Variants in DLG2 observed in about 807,000 individuals in gnomAD.
The protein encoded by DLG2 is discs large MAGUK scaffold protein 2.
DLG2 carries 45 observed loss-of-function variants against 132.5 expected under a neutral mutation model. That is an observed-to-expected ratio of 0.34 (90% CI 0.27 to 0.44). The LOEUF is 0.44. DLG2 is among the 20% of genes least tolerant of loss of function. DLG2 has a pLI of 1.00. For missense variants in DLG2, 1,045 were observed against 1,196.9 expected (o/e 0.87, Z 1.87); for synonymous variants, 424 against 419.6 (o/e 1.01, Z -0.13).
chr11:84,566,484 G>A (rs947375190), intron 6 of DLG2, among the ~76,000 whole-genome samples: 1 of 152,190 alleles, frequency 6.6e-6, no homozygotes, highest in Non-Finnish European at 1.5e-5. Context: ...TCTCTCATCT[G>A]TCTACCTGGT....
At chr11:84,001,866 G>A (rs564330422) in intron 11 of DLG2, among the ~76,000 whole-genome samples, 1 of 152,124 alleles carries the variant, frequency 6.6e-6, no homozygotes, top group Admixed American at 6.5e-5. Context: ...TAGAAATTAA[G>A]ATGAAAATCA....
At chr11:83,761,246 A>G (rs889511931) in intron 18 of DLG2, among the ~76,000 whole-genome samples, 3 of 152,218 alleles carry the variant, frequency 2.0e-5, no homozygotes, top group African/African-American at 7.2e-5. Context: ...GATAATTGCT[A>G]CAAGGACACC....
At chr11:83,478,947 A>T (rs959493647) in intron 22 of DLG2, among the ~76,000 whole-genome samples, 3 of 151,858 alleles carry the variant, frequency 2.0e-5, no homozygotes, top group East Asian at 3.9e-4. Context: ...GGAGAGGCAA[A>T]TTTTTTTTCT....
intron 6 of DLG2, among the ~76,000 whole-genome samples, chr11:84,653,974 T>C (rs2099685157): frequency 6.6e-6 from 1 of 152,178 alleles, no homozygotes. Flanking sequence ...AAATTCAGTG[T>C]TGGTTATAAC....
At chr11:83,922,383 T>C (rs1167450250) in intron 15 of DLG2, among the ~76,000 whole-genome samples, 1 of 152,048 alleles carries the variant, frequency 6.6e-6, no homozygotes, top group Non-Finnish European at 1.5e-5. Flanking sequence ...GGTTTAGTGA[T>C]CACCTACTTC....
intron 19 of DLG2, among the ~76,000 whole-genome samples, chr11:83,593,376 C>G (rs934684179): frequency 1.3e-5 from 2 of 151,416 alleles, no homozygotes; most frequent in African/African-American, 4.9e-5. Flanking sequence ...TCATCATTCT[C>G]AGTAAACTAT....
intron 6 of DLG2, among the ~76,000 whole-genome samples, chr11:84,801,945 G>T (rs943939870): frequency 3.9e-5 from 6 of 152,102 alleles, no homozygotes; most frequent in African/African-American, 1.4e-4. Flanking sequence ...TTCTGCTTCT[G>T]CATCTGTACA....
intron 8 of DLG2, among the ~76,000 whole-genome samples, chr11:84,234,147 G>A (rs963322661): frequency 1.9e-4 from 29 of 152,162 alleles, no homozygotes; most frequent in African/African-American, 6.5e-4. Flanking sequence ...CCCACCCCGA[G>A]GGAAGAATCA....
At chr11:84,085,282 G>A (rs985031239) in intron 10 of DLG2, among the ~76,000 whole-genome samples, 5 of 152,012 alleles carry the variant, frequency 3.3e-5, no homozygotes, top group African/African-American at 9.7e-5. Flanking sequence ...ATTTTCTTTT[G>A]TCTAGAGCCC....
chr11:85,425,039 A>AACAAAC (rs1555116109), intron 3 of DLG2, among the ~76,000 whole-genome samples: 2 of 40,594 alleles, frequency 4.9e-5, no homozygotes, highest in East Asian at 7.6e-4. Flanking sequence ...CAAACAAACA[A>AACAAAC]AAAAACAAAC....
intron 7 of DLG2, among the ~76,000 whole-genome samples, chr11:84,435,430 T>G (rs2098997573): frequency 6.6e-6 from 1 of 152,172 alleles, no homozygotes. Context: ...CAAATTCCAT[T>G]AAAAAATACC....
chr11:84,613,939 A>C (rs767433159), intron 6 of DLG2, among the ~76,000 whole-genome samples: 1 of 152,120 alleles, frequency 6.6e-6, no homozygotes, highest in Non-Finnish European at 1.5e-5. Flanking sequence ...CCTCTCTTTC[A>C]TATTTGTAAA....
intron 6 of DLG2, among the ~76,000 whole-genome samples, chr11:84,573,031 T>C (rs1358709423): frequency 6.6e-6 from 1 of 152,180 alleles, no homozygotes; most frequent in Non-Finnish European, 1.5e-5. Context: ...ACTCTTTAGC[T>C]TACAAATACA....
intron 6 of DLG2, among the ~76,000 whole-genome samples, chr11:84,855,177 GGC>G (rs2082624451): frequency 6.6e-6 from 1 of 151,900 alleles, no homozygotes; most frequent in African/African-American, 2.4e-5. Flanking sequence ...AACTGCTACT[GGC>G]ATAAACAGAT....
chr11:83,476,003 T>C (rs1415972605), intron 22 of DLG2, among the ~76,000 whole-genome samples: 1 of 152,070 alleles, frequency 6.6e-6, no homozygotes, highest in Non-Finnish European at 1.5e-5. Context: ...ACACTATGTG[T>C]TTAAACTGGA....
chr11:84,308,080 G>A (rs984499797), intron 7 of DLG2, among the ~76,000 whole-genome samples: 4 of 152,186 alleles, frequency 2.6e-5, no homozygotes, highest in African/African-American at 7.2e-5. Context: ...GTAGACCCCA[G>A]CAGGTTGCCA....
intron 18 of DLG2, among the ~76,000 whole-genome samples, chr11:83,763,110 A>G (rs1216300723): frequency 1.3e-5 from 2 of 152,166 alleles, no homozygotes; most frequent in South Asian, 2.1e-4. Flanking sequence ...GTTCTCCCCT[A>G]TGGTGCATTA....
At chr11:85,546,469 T>C (rs1565667055) in intron 3 of DLG2, among the ~76,000 whole-genome samples, 1 of 152,206 alleles carries the variant, frequency 6.6e-6, no homozygotes, top group South Asian at 2.1e-4. Context: ...GTATATTCTG[T>C]TGATGTGGGG....
In DLG2 at chr11:83,599,777, C is replaced by T. The variant is rs183241289; in HGVS notation, c.1940+33434G>A. Among the ~76,000 whole-genome samples the T allele has an allele frequency of 3.3e-5, 5 of 152,312 alleles. No homozygotes were observed. The East Asian group carries it at 9.6e-4, about 29-fold the overall frequency. On this transcript the variant is annotated intron_variant, in intron 19 of 27. Transcript: ENST00000376104. ...TGAGTCCTACTAGTTCTCTCTTTCT[C>T]TCTTGCTCTCATTATCCTATCTGTA... is the stretch of plus-strand genomic sequence containing the variant.
Sources: gnomAD v4.1 joint callset for allele counts (sites outside exome capture counted in the v4.1 genomes callset) on GRCh38, gnomAD v4.1.1 for gene constraint, MANE v1.5 for transcripts, NCBI Gene and HGNC (gene_info 2026-07-23, HGNC 2026-07-21) for gene names.